The following BANP variants were observed in gnomAD, a reference collection of about 807,000 sequenced individuals.
BANP encodes the protein BTG3 associated nuclear protein.
Under a neutral mutation model 68.1 loss-of-function variants are expected in BANP, and 11 were observed. That is an observed-to-expected ratio of 0.16 (90% confidence interval 0.10 to 0.27). The LOEUF is 0.27. Ranked by LOEUF, BANP falls within the 10% of genes least tolerant of loss-of-function variation. The pLI is 1.00. For missense variants in BANP, 504 were observed against 722.7 expected, an observed-to-expected ratio of 0.70 and a Z score of 3.47; for synonymous variants, 329 against 303.2, an observed-to-expected ratio of 1.09 and a Z score of -0.88.
In BANP at chr16:87,962,256, AG is replaced by A. The variant is rs67078646; in HGVS notation, c.-69+10742del. Among the ~76,000 whole-genome samples, 15 of 147,564 alleles carry A rather than the reference AG, an allele frequency of 1.0e-4. 1 individual carries two copies. Among genetic ancestry groups the A allele is most frequent in the South Asian group, 4.2e-4 (2 of 4,792 alleles). On this transcript the variant is annotated intron_variant, in intron 1 of 13. Transcript: ENST00000682872. Reference sequence around the variant, plus strand: ...CTTGGTCTCAAAAAAAAAAAAAAAAAGAAAGCACATTTTTTTCCTTTATGTA... The same window carrying A: ...CTTGGTCTCAAAAAAAAAAAAAAAAAAAAGCACATTTTTTTCCTTTATGTA...
intron 13 of BANP, among the ~76,000 whole-genome samples, chr16:88,076,327 C>T (rs924602347): frequency 3.6e-5 from 5 of 138,738 alleles, no homozygotes; most frequent in Admixed American, 3.2e-4. Context: ...GCGCCGGCCC[C>T]GGTGACGGAG....
intron 11 of BANP, among the ~76,000 whole-genome samples, chr16:88,046,602 G>T (rs1250996667): frequency 6.6e-6 from 1 of 151,872 alleles, no homozygotes; most frequent in South Asian, 2.1e-4. Flanking sequence ...CTGGAGTGCA[G>T]TGATGCCATC....
chr16:87,952,228 G>C lies in BANP; in HGVS notation c.-69+713G>C, dbSNP rs578217466. 9.2e-4 allele frequency: 140 copies of C among 152,422 alleles called. 1 individual carries two copies. The highest frequency in any genetic ancestry group is 3.4e-3 in the Middle Eastern group (1 of 294). 9.4% of individuals were successfully genotyped at this position (152,422 alleles called of 1,614,324 possible). On this transcript the variant is annotated intron_variant, in intron 1 of 13. Transcript: ENST00000682872. ...CCATCCACACTGTGTGAGCAAATTG[G>C]AGAGATTGCCTTGATAGAGGACTGA...
intron 3 of BANP, among the ~76,000 whole-genome samples, chr16:87,983,381 G>A (rs937224832): frequency 6.6e-6 from 1 of 152,166 alleles, no homozygotes; most frequent in African/African-American, 2.4e-5. Context: ...TGGCTGGGAC[G>A]GCAGCTGGGG....
chr16:88,062,072 G>A (rs1260800505), intron 11 of BANP, among the ~76,000 whole-genome samples: 1 of 152,206 alleles, frequency 6.6e-6, no homozygotes, highest in Non-Finnish European at 1.5e-5. Flanking sequence ...TGGATTCAAA[G>A]CTGAATGACA....
At chr16:88,013,457 G>T (rs2073743690) in intron 6 of BANP, among the ~76,000 whole-genome samples, 1 of 152,204 alleles carries the variant, frequency 6.6e-6, no homozygotes, top group African/African-American at 2.4e-5. Flanking sequence ...CCCTCCCTCA[G>T]TGCAGTGTGA....
chr16:87,994,434 C>T (rs1213737195), intron 4 of BANP, among the ~76,000 whole-genome samples: 2 of 152,222 alleles, frequency 1.3e-5, no homozygotes, highest in Admixed American at 1.3e-4. Flanking sequence ...AAGCCAATTG[C>T]CAGAAGCTAG....
chr16:88,040,060 A>G (rs1283124480), intron 11 of BANP, among the ~76,000 whole-genome samples: 1 of 152,026 alleles, frequency 6.6e-6, no homozygotes, highest in African/African-American at 2.4e-5. Context: ...CATTTCTGGG[A>G]CCTCAAATCA....
At chr16:88,062,833 C>G (rs574956892) in intron 11 of BANP, among the ~76,000 whole-genome samples, 7 of 152,338 alleles carry the variant, frequency 4.6e-5, no homozygotes, top group Admixed American at 1.3e-4. Context: ...TGCTCTACCC[C>G]TGAAGGCCTG....
In BANP at chr16:88,071,233, G is replaced by A. The variant is rs1255988398; in HGVS notation, c.1378-836G>A. ...GCATCTCCTGGCCCTCCCGTAGTGG[G>A]GTGCAACCCCAAGTGAAGACCCCGT... On this transcript the variant is annotated intron_variant, in intron 12 of 13. Coordinates refer to ENST00000682872, the MANE Select transcript of BANP (RefSeq NM_001386991.1). This position sits in a 1 kb window ranked among gnomAD's most constrained non-coding sequence, Gnocchi z 6.5. 2.9e-6 allele frequency: 1 copy of A among 349,860 alleles called. No homozygotes were observed. The highest frequency in any genetic ancestry group is 2.1e-5 in the African/African-American group (1 of 46,548). The allele number at this position is 349,860 out of a possible 1,614,324, so 21.7% of individuals were successfully genotyped here.
intron 3 of BANP, among the ~76,000 whole-genome samples, chr16:87,981,880 C>T (rs183726299): frequency 1.1e-4 from 17 of 152,310 alleles, no homozygotes; most frequent in African/African-American, 3.8e-4. Flanking sequence ...TTTGAATTTG[C>T]TTGGTTGGTT....
At position 88,033,089 on chromosome 16, in the gene BANP, C is replaced by G. The variant is rs1209594703; in HGVS notation, c.1064-20C>G. The G allele has an allele frequency of 6.3e-7, 1 of 1,585,590 alleles. No homozygotes were observed. The highest frequency in any genetic ancestry group is 2.3e-5 in the East Asian group (1 of 44,396). ...TAAGAAACTTCTCGTTCACCCCGTT[C>G]ACACCTGTTGCCCCCACAGAGCCGA... On this transcript the variant is annotated intron_variant, in intron 8 of 13. Transcript: ENST00000682872.
intron 1 of BANP, among the ~76,000 whole-genome samples, chr16:87,962,099 G>A (rs1319603923): frequency 1.3e-5 from 2 of 151,942 alleles, no homozygotes; most frequent in Admixed American, 1.3e-4. Context: ...AATTAGCCTG[G>A]TGCAGTGGCG....
chr16:88,018,688 G>A lies in BANP; in HGVS notation c.895+21G>A, dbSNP rs1226087183. On this transcript the variant is annotated intron_variant, in intron 7 of 13. Transcript: ENST00000682872. The surrounding 1 kb of genome is among the most constrained non-coding windows in gnomAD (Gnocchi z 7.7). ...CCGGTGTAAGTCGGGCCCCGCCTTGGGGGACTGGGGTGTGCGGGGAGCTGG... is the reference window on the plus strand; with the variant it reads ...CCGGTGTAAGTCGGGCCCCGCCTTGAGGGACTGGGGTGTGCGGGGAGCTGG... The A allele has an allele frequency of 4.5e-6, 7 of 1,548,478 alleles. No homozygotes were observed. The highest frequency in any genetic ancestry group is 6.1e-6 in the Non-Finnish European group (7 of 1,144,816).
chr16:87,999,053 C>G (rs1441929366), intron 4 of BANP, among the ~76,000 whole-genome samples: 3 of 140,634 alleles, frequency 2.1e-5, no homozygotes, highest in African/African-American at 8.0e-5. Context: ...CTTACCTGTC[C>G]TTCCAGACAC....
rs762551129 is a variant in BANP, at chr16:87,975,123, C to T, written c.8C>T (p.Ser3Leu). ...CCACTCTCCGTGCTCTGGATGATGT[C>T]GGAACACGACCTGGCCGATGTGGTT... MM[S>L]EHDLADVVQI... The change falls in exon 2 of 14, where the codon TCG becomes TTG. Residue 3 changes from serine to leucine, a missense_variant. Around this residue, in one of 3 missense-constraint regions of BANP, gnomAD observed 238 missense variants for 278.9 expected, o/e 0.85. Coordinates refer to ENST00000682872, the MANE Select transcript of BANP (RefSeq NM_001386991.1). 31 of 1,613,838 alleles carry T rather than the reference C, an allele frequency of 1.9e-5. No homozygotes were observed. The highest frequency in any genetic ancestry group is 4.2e-6 in the Non-Finnish European group (5 of 1,179,946).
intron 13 of BANP, among the ~76,000 whole-genome samples, chr16:88,075,048 TA>T (rs767970096): frequency 6.6e-6 from 1 of 151,934 alleles, no homozygotes; most frequent in Admixed American, 6.6e-5. Flanking sequence ...CTACAAAACG[TA>T]AAAAAATTAG....
intron 1 of BANP, among the ~76,000 whole-genome samples, chr16:87,959,684 AGT>A (rs1480333579): frequency 6.6e-6 from 1 of 151,726 alleles, no homozygotes; most frequent in East Asian, 1.9e-4. Flanking sequence ...GCCAGATCGG[AGT>A]GTGTGTGGCA....
chr16:88,060,702 C>T (rs2086498908), intron 11 of BANP, among the ~76,000 whole-genome samples: 1 of 152,024 alleles, frequency 6.6e-6, no homozygotes, highest in East Asian at 1.9e-4. Context: ...ATCTCAGCCC[C>T]TCGAGGTGTG....
Sources: allele counts gnomAD v4.1 joint callset (sites outside exome capture counted in the v4.1 genomes callset), GRCh38; gene constraint gnomAD v4.1.1; regional missense constraint gnomAD v4.1.1; non-coding constraint Gnocchi (gnomAD v3.1); transcripts MANE v1.5; gene names NCBI Gene and HGNC (gene_info 2026-07-23, HGNC 2026-07-21).